KIAA1958: variants seen among roughly 807,000 people sequenced by gnomAD.
KIAA1958 encodes KIAA1958, also known as uncharacterized protein KIAA1958.
In KIAA1958, 14 loss-of-function variants were observed where a neutral mutation model predicts 47.2. The observed-to-expected ratio is 0.30, with a 90% CI of 0.20 to 0.46. The LOEUF (loss-of-function observed/expected upper bound fraction) is 0.46, where lower values mean the gene tolerates loss of function less well. Among genes scored for constraint, KIAA1958 ranks in the 20% least tolerant of loss-of-function variants. The pLI is 1.00. For synonymous variants in KIAA1958, 354 were observed against 353.3 expected, an observed-to-expected ratio of 1.00 and a Z score of -0.02; for missense variants, 803 against 909.2, an observed-to-expected ratio of 0.88 and a Z score of 1.50.
At chr9:112,608,374 A>G (rs1464729660) in intron 2 of KIAA1958, among the ~76,000 whole-genome samples, 1 of 152,242 alleles carries the variant, frequency 6.6e-6, no homozygotes, top group Admixed American at 6.5e-5. Flanking sequence ...AAAGCTAACA[A>G]TTACATAGAC....
intron 1 of KIAA1958, among the ~76,000 whole-genome samples, chr9:112,513,340 G>T (rs1834355160): frequency 6.8e-6 from 1 of 146,266 alleles, no homozygotes; most frequent in African/African-American, 2.5e-5. Flanking sequence ...AGTGAGACAA[G>T]AGTAGGCCAG....
At chr9:112,580,431 CAT>C (rs1424457300) in intron 2 of KIAA1958, among the ~76,000 whole-genome samples, 1 of 151,648 alleles carries the variant, frequency 6.6e-6, no homozygotes, top group African/African-American at 2.4e-5. Flanking sequence ...TATATATATA[CAT>C]AGACACATAT....
intron 1 of KIAA1958, among the ~76,000 whole-genome samples, chr9:112,493,415 A>T (rs1834004106): frequency 6.6e-6 from 1 of 152,256 alleles, no homozygotes; most frequent in Admixed American, 6.5e-5. Flanking sequence ...TAGCTCAGTG[A>T]GTTGGTACCA....
At chr9:112,489,675 A>G (rs1040322591) in intron 1 of KIAA1958, among the ~76,000 whole-genome samples, 3 of 150,826 alleles carry the variant, frequency 2.0e-5, no homozygotes, top group South Asian at 4.2e-4. Context: ...TTATTTTGAC[A>G]AATAAGTGCT....
chr9:112,627,743 G>A (rs1836642202), intron 2 of KIAA1958, among the ~76,000 whole-genome samples: 1 of 152,168 alleles, frequency 6.6e-6, no homozygotes, highest in African/African-American at 2.4e-5. Context: ...GAGGGAGCAA[G>A]GCTCCAACCC....
intron 1 of KIAA1958, among the ~76,000 whole-genome samples, chr9:112,548,164 C>T (rs1033677595): frequency 6.6e-6 from 1 of 152,010 alleles, no homozygotes; most frequent in African/African-American, 2.4e-5. Flanking sequence ...CCACCACACC[C>T]AGCTAATTTT....
At chr9:112,655,889 A>G (rs1837142222) in intron 3 of KIAA1958, among the ~76,000 whole-genome samples, 1 of 152,126 alleles carries the variant, frequency 6.6e-6, no homozygotes, top group African/African-American at 2.4e-5. Flanking sequence ...TTCTCTCCAC[A>G]TTAGCCCTGG....
intron 1 of KIAA1958, among the ~76,000 whole-genome samples, chr9:112,523,151 T>TC (rs2132798694): frequency 1.3e-5 from 2 of 152,296 alleles, no homozygotes; most frequent in South Asian, 4.1e-4. Flanking sequence ...TGAGAAGTGG[T>TC]ATTACATTCA....
intron 3 of KIAA1958, among the ~76,000 whole-genome samples, chr9:112,646,120 A>G (rs1460215340): frequency 6.6e-6 from 1 of 150,988 alleles, no homozygotes; most frequent in Non-Finnish European, 1.5e-5. Flanking sequence ...ATAAGATTTT[A>G]GTAGAATTAG....
intron 1 of KIAA1958, among the ~76,000 whole-genome samples, chr9:112,569,849 C>T (rs1114438): frequency 0.11 from 16,866 of 152,062 alleles, 1,361 homozygotes; most frequent in East Asian, 0.18. Context: ...GTCTCAAATT[C>T]GTGACCTCAA....
At chr9:112,635,452 A>G (rs1050369308) in intron 2 of KIAA1958, among the ~76,000 whole-genome samples, 1 of 152,020 alleles carries the variant, frequency 6.6e-6, no homozygotes. Context: ...GAGTTTTGCC[A>G]TGTCACCCAC....
At chr9:112,640,743 G>A (rs1368987644) in intron 2 of KIAA1958, among the ~76,000 whole-genome samples, 1 of 152,138 alleles carries the variant, frequency 6.6e-6, no homozygotes. Context: ...TCATTTGATT[G>A]TGTTCCAGTG....
chr9:112,539,054 A>C (rs1834898487), intron 1 of KIAA1958, among the ~76,000 whole-genome samples: 1 of 152,226 alleles, frequency 6.6e-6, no homozygotes, highest in Non-Finnish European at 1.5e-5. Flanking sequence ...ACAAGTGTTG[A>C]CAAGGATGTA....
chr9:112,573,916 T>C (rs1835584201), intron 1 of KIAA1958, 141 bp from the exon 2 acceptor site: 2 of 506,584 alleles, frequency 3.9e-6, no homozygotes, highest in Non-Finnish European at 6.9e-6. Context: ...CCTGCTCATC[T>C]ACAGCGACCT....
chr9:112,628,338 A>C (rs117582031), intron 2 of KIAA1958, among the ~76,000 whole-genome samples: 276 of 152,378 alleles, frequency 1.8e-3, no homozygotes, highest in Non-Finnish European at 3.2e-3. Flanking sequence ...TAAGACTATC[A>C]AAACTAATTC....
chr9:112,633,718 T>C (rs1223947435), intron 2 of KIAA1958, among the ~76,000 whole-genome samples: 1 of 152,186 alleles, frequency 6.6e-6, no homozygotes. Flanking sequence ...CCTTTCAATA[T>C]ACTCTTCCGT....
At chr9:112,588,052 TAGGGATATC>T (rs1835859478) in intron 2 of KIAA1958, among the ~76,000 whole-genome samples, 1 of 152,200 alleles carries the variant, frequency 6.6e-6, no homozygotes, top group Non-Finnish European at 1.5e-5. Flanking sequence ...ATGAGGATAT[TAGGGATATC>T]AGTGTCCCTA....
chr9:112,527,176 A>G (rs765818686), intron 1 of KIAA1958, among the ~76,000 whole-genome samples: 2 of 152,228 alleles, frequency 1.3e-5, no homozygotes, highest in African/African-American at 2.4e-5. Flanking sequence ...CATATTTACC[A>G]TAAATCACAA....
chr9:112,531,521 A>G (rs1834751857), intron 1 of KIAA1958, among the ~76,000 whole-genome samples: 1 of 152,196 alleles, frequency 6.6e-6, no homozygotes, highest in African/African-American at 2.4e-5. Context: ...CTTTTCTGTT[A>G]TTTTCCAATT....
Sources: allele counts gnomAD v4.1 joint callset (sites outside exome capture counted in the v4.1 genomes callset), GRCh38; gene constraint gnomAD v4.1.1; transcripts MANE v1.5; gene names NCBI Gene and HGNC (gene_info 2026-07-23, HGNC 2026-07-21).